ZBTB20: variants seen among roughly 807,000 people sequenced by gnomAD.
ZBTB20 encodes zinc finger and BTB domain-containing protein 20.
In ZBTB20, 9 loss-of-function variants were observed where a neutral mutation model predicts 56.9. That is an observed-to-expected ratio of 0.16 (90% CI 0.10 to 0.28). The LOEUF (loss-of-function observed/expected upper bound fraction) is 0.28. Ranked by LOEUF, ZBTB20 falls within the 10% of genes least tolerant of loss-of-function variation. ZBTB20 has a pLI of 1.00. For synonymous variants in ZBTB20, 417 were observed against 420.7 expected (o/e 0.99, Z 0.11); for missense variants, 655 against 1,003.0 (o/e 0.65, Z 4.69).
intron 3 of ZBTB20, among the ~76,000 whole-genome samples, chr3:114,964,274 G>A (rs933973007): frequency 6.6e-6 from 1 of 152,076 alleles, no homozygotes; most frequent in African/African-American, 2.4e-5. Flanking sequence ...AATTAGCCAG[G>A]TGTGGTGGAG....
intron 2 of ZBTB20, among the ~76,000 whole-genome samples, chr3:114,978,513 T>C (rs2078198537): frequency 6.6e-6 from 1 of 151,570 alleles, no homozygotes; most frequent in South Asian, 2.1e-4. Context: ...TGAAAATATA[T>C]AATACATCAT....
At chr3:115,101,761 C>A (rs2083591464) in intron 1 of ZBTB20, among the ~76,000 whole-genome samples, 1 of 152,056 alleles carries the variant, frequency 6.6e-6, no homozygotes, top group Non-Finnish European at 1.5e-5. Context: ...AACAATAATC[C>A]TAAGTATATG....
intron 7 of ZBTB20, among the ~76,000 whole-genome samples, chr3:114,416,892 A>G (rs568223671): frequency 7.2e-5 from 11 of 152,220 alleles, no homozygotes; most frequent in Middle Eastern, 3.4e-3. Context: ...AATCTTTTAA[A>G]TGCCATAGGA....
intron 4 of ZBTB20, among the ~76,000 whole-genome samples, chr3:114,848,769 A>G (rs1166035420): frequency 6.6e-6 from 1 of 152,216 alleles, no homozygotes; most frequent in African/African-American, 2.4e-5. Flanking sequence ...TCAGCAAAAG[A>G]ATCTGCTGCC....
intron 2 of ZBTB20, among the ~76,000 whole-genome samples, chr3:115,026,324 T>C (rs1576595426): frequency 6.6e-6 from 1 of 151,072 alleles, no homozygotes; most frequent in African/African-American, 2.4e-5. Flanking sequence ...TTTGAAATCA[T>C]TTCATCTATA....
At chr3:114,467,845 T>C (rs2092611969) in intron 7 of ZBTB20, among the ~76,000 whole-genome samples, 2 of 152,228 alleles carry the variant, frequency 1.3e-5, no homozygotes, top group African/African-American at 4.8e-5. Context: ...ATTCAGGAAG[T>C]ATTTTTGAGC....
At chr3:115,006,460 G>GATATATATATATATATAT (rs142153634) in intron 2 of ZBTB20, among the ~76,000 whole-genome samples, 47 of 144,364 alleles carry the variant, frequency 3.3e-4, no homozygotes, top group African/African-American at 1.1e-3. Flanking sequence ...TATCCAGTTG[G>GATATATATATATATATAT]ATATATATAT....
At chr3:114,344,704 C>G (rs906456574) in intron 11 of ZBTB20, among the ~76,000 whole-genome samples, 2 of 152,174 alleles carry the variant, frequency 1.3e-5, no homozygotes, top group African/African-American at 4.8e-5. Flanking sequence ...TTACTTTACA[C>G]CCACTGGCTT....
Position 114,333,490 on chromosome 3 carries a change from C to T in ZBTB20, c.*5515G>A, listed in dbSNP as rs1376361432. 1 of 152,142 alleles carries T rather than the reference C, an allele frequency of 6.6e-6. No homozygotes were observed. The highest frequency in any genetic ancestry group is 2.4e-5 in the African/African-American group (1 of 41,418). The allele number at this position is 152,142 out of a possible 1,614,324, so 9.4% of individuals were successfully genotyped here. The stretch of plus-strand genomic sequence containing the variant: ...TGTTCCAGTGGGAAGTTATGTCTAG[C>T]CCCAGAAGGCCTGGTGGCTGGGTCA... On this transcript the variant is annotated 3_prime_UTR_variant, in exon 12 of 12. Transcript: ENST00000675478.
chr3:114,942,234 T>G lies in ZBTB20; in HGVS notation c.-456+32132A>C, dbSNP rs1302261405. On this transcript the variant is annotated intron_variant, in intron 3 of 11. Transcript: ENST00000675478. ...TGTAAATTACAAAATTTCCTTTGTA[T>G]CAGGGATAACCAACTGTCTTTTATA... Among the ~76,000 whole-genome samples the G allele has an allele frequency of 5.5e-5, 8 of 145,860 alleles. 1 individual carries two copies. The highest frequency in any genetic ancestry group is 8.9e-5 in the Non-Finnish European group (6 of 67,768).
chr3:114,582,364 C>T (rs998301201), intron 6 of ZBTB20: 15 of 151,656 alleles, frequency 9.9e-5, no homozygotes, highest in African/African-American at 3.6e-4. Flanking sequence ...TCATATTATC[C>T]TTTATACTTC....
At chr3:115,036,144 T>C (rs2080908703) in intron 2 of ZBTB20, among the ~76,000 whole-genome samples, 1 of 152,160 alleles carries the variant, frequency 6.6e-6, no homozygotes, top group South Asian at 2.1e-4. Context: ...ATTCTGGAGA[T>C]ACTTGGTGGT....
At chr3:114,394,248 T>A (rs1208036198) in intron 7 of ZBTB20, among the ~76,000 whole-genome samples, 1 of 152,222 alleles carries the variant, frequency 6.6e-6, no homozygotes, top group Non-Finnish European at 1.5e-5. Context: ...TGAGACTTAA[T>A]GGGCTTACGT....
At chr3:115,093,040 C>T (rs1004476477) in intron 1 of ZBTB20, among the ~76,000 whole-genome samples, 1 of 152,160 alleles carries the variant, frequency 6.6e-6, no homozygotes, top group East Asian at 1.9e-4. Context: ...TTTTAAAAAG[C>T]TTTCTCCTCA....
chr3:114,673,014 G>A (rs1204709888), intron 6 of ZBTB20, among the ~76,000 whole-genome samples: 1 of 152,138 alleles, frequency 6.6e-6, no homozygotes, highest in African/African-American at 2.4e-5. Flanking sequence ...ACACACAGAA[G>A]TTTGAGAACC....
At chr3:114,892,091 T>TA (rs2076835227) in intron 4 of ZBTB20, among the ~76,000 whole-genome samples, 1 of 152,230 alleles carries the variant, frequency 6.6e-6, no homozygotes, top group Admixed American at 6.5e-5. Context: ...AAATATATTT[T>TA]ACATACTTAT....
At chr3:114,792,805 C>T (rs1254968880) in intron 5 of ZBTB20, among the ~76,000 whole-genome samples, 1 of 152,014 alleles carries the variant, frequency 6.6e-6, no homozygotes, top group Non-Finnish European at 1.5e-5. Flanking sequence ...GTATTCCTCA[C>T]TGGTCTTTAG....
Position 114,608,334 on chromosome 3 carries a change from C to G in ZBTB20, c.-295+85194G>C, listed in dbSNP as rs551771430. Among the ~76,000 whole-genome samples the G allele has an allele frequency of 1.1e-3, 160 of 152,264 alleles. 1 individual carries two copies. Among genetic ancestry groups the G allele is most frequent in the African/African-American group, 3.8e-3 (156 of 41,550 alleles). On this transcript the variant is annotated intron_variant, in intron 6 of 11. Coordinates refer to ENST00000675478, the MANE Select transcript of ZBTB20 (RefSeq NM_001348800.3). ...ACAATATTTCCCAAACTTCCCTAAT[C>G]ATACCAATTGACTAGTTTCTTGTTT...
intron 5 of ZBTB20, among the ~76,000 whole-genome samples, chr3:114,706,495 C>T (rs1042308939): frequency 2.0e-5 from 3 of 151,982 alleles, no homozygotes; most frequent in East Asian, 1.9e-4. Flanking sequence ...TTTCAGTGGA[C>T]GATTTTAAAG....
Sources: gnomAD v4.1 joint callset for allele counts (sites outside exome capture counted in the v4.1 genomes callset) on GRCh38, gnomAD v4.1.1 for gene constraint, MANE v1.5 for transcripts, NCBI Gene and HGNC (gene_info 2026-07-23, HGNC 2026-07-21) for gene names.